Variants in CCDC175 observed in about 807,000 individuals in gnomAD.
CCDC175 encodes coiled-coil domain containing 175, also known as coiled-coil domain-containing protein 175.
Under a neutral mutation model 114.6 loss-of-function variants are expected in CCDC175, and 100 were observed. The observed-to-expected ratio is 0.87, with a 90% CI of 0.74 to 1.03. The LOEUF is 1.03. Ranked by LOEUF, CCDC175 falls within the 50% of genes least tolerant of loss-of-function variation. The probability of loss-of-function intolerance (pLI) is 0.00; values close to 1 mark genes in which losing one functional copy is unlikely to be tolerated. For synonymous variants in CCDC175, 306 were observed against 308.7 expected, an observed-to-expected ratio of 0.99 and a Z score of 0.09; for missense variants, 880 against 917.8, an observed-to-expected ratio of 0.96 and a Z score of 0.53.
Position 59,576,600 on chromosome 14 carries a change from C to G in CCDC175, c.157+19G>C, listed in dbSNP as rs1285378490. The G allele has an allele frequency of 2.1e-6, 3 of 1,407,822 alleles. No individual in the cohort carries two copies. Among genetic ancestry groups the G allele is most frequent in the Non-Finnish European group, 2.8e-6 (3 of 1,089,926 alleles). 87.2% of individuals were successfully genotyped at this position (1,407,822 alleles called of 1,614,324 possible). ...ACCTCTGAGGAGACGTCCCTTCCAG[C>G]GCCCGAGGGGCGTCTTACCCACAAC... On this transcript the variant is annotated intron_variant, in intron 1 of 19. Coordinates refer to ENST00000537690, the MANE Select transcript of CCDC175 (RefSeq NM_001164399.2).
At chr14:59,545,851 T>C (rs1055400851) in intron 8 of CCDC175, among the ~76,000 whole-genome samples, 1 of 152,084 alleles carries the variant, frequency 6.6e-6, no homozygotes, top group Non-Finnish European at 1.5e-5. Context: ...TGAGGACAAC[T>C]AAAATAGCTA....
intron 7 of CCDC175, among the ~76,000 whole-genome samples, chr14:59,557,127 A>T (rs189676210): frequency 2.0e-3 from 303 of 152,302 alleles, no homozygotes; most frequent in Middle Eastern, 3.4e-3. Flanking sequence ...TATATACCCA[A>T]AGGATTATAA....
At chr14:59,552,881 T>C (rs948594406) in intron 7 of CCDC175, among the ~76,000 whole-genome samples, 39 of 152,036 alleles carry the variant, frequency 2.6e-4, no homozygotes, top group African/African-American at 9.2e-4. Flanking sequence ...TGAAATCAAA[T>C]GAATGAAATG....
intron 16 of CCDC175, among the ~76,000 whole-genome samples, chr14:59,524,549 G>C (rs1361631469): frequency 3.3e-5 from 5 of 152,202 alleles, no homozygotes; most frequent in African/African-American, 1.2e-4. Flanking sequence ...ACACCCATTA[G>C]AATGGTTAAA....
At chr14:59,543,527 A>G (rs973968262) in intron 9 of CCDC175, 73 bp from the exon 10 acceptor site, 4 of 501,904 alleles carry the variant, frequency 8.0e-6, no homozygotes, top group African/African-American at 5.9e-5. Flanking sequence ...TTTCAAAAAT[A>G]GTTTTGAAAG....
chr14:59,545,169 T>C lies in CCDC175; in HGVS notation c.1166A>G (p.His389Arg), dbSNP rs201639386. Residue 389 changes from histidine to arginine, a missense_variant, in exon 9 of 20, where the codon CAT (histidine) becomes CGT (arginine). By Grantham distance (29) the His-to-Arg change is conservative. Coordinates refer to ENST00000537690, the MANE Select transcript of CCDC175 (RefSeq NM_001164399.2). ...CGTGTGGGTAAAGACATACTCATCA[T>C]GAATCTTTTGTTTTTGCAAAAAAGC... The part of the protein sequence containing the change: ...EKAFLQKQKI[H>R]DENQKQLTFI... 6.6e-4 allele frequency: 1,010 copies of C among 1,536,796 alleles called. 1 individual carries two copies. Among genetic ancestry groups the C allele is most frequent in the Non-Finnish European group, 8.0e-4 (912 of 1,146,704 alleles).
At chr14:59,515,177 G>A (rs2139964573) in intron 17 of CCDC175, among the ~76,000 whole-genome samples, 1 of 152,248 alleles carries the variant, frequency 6.6e-6, no homozygotes, top group South Asian at 2.1e-4. Flanking sequence ...CACTAAACAT[G>A]GAAAGGAACA....
chr14:59,570,149 C>A (rs1235323552), intron 3 of CCDC175, among the ~76,000 whole-genome samples: 3 of 151,382 alleles, frequency 2.0e-5, no homozygotes, highest in Admixed American at 6.6e-5. Context: ...TGCAGAGGTG[C>A]CTCATTGGTG....
chr14:59,566,882 C>A (rs753599252), intron 4 of CCDC175, among the ~76,000 whole-genome samples: 1 of 152,154 alleles, frequency 6.6e-6, no homozygotes, highest in African/African-American at 2.4e-5. Context: ...TTGTTATTGC[C>A]TTTCCGTAAA....
intron 3 of CCDC175, among the ~76,000 whole-genome samples, chr14:59,568,669 T>A (rs1896689361): frequency 6.6e-6 from 1 of 152,152 alleles, no homozygotes. Flanking sequence ...TGCCTAGGAC[T>A]TCTGCAACTT....
intron 10 of CCDC175, among the ~76,000 whole-genome samples, 172 bp from the exon 11 acceptor site, chr14:59,540,918 C>T (rs1595030452): frequency 6.6e-6 from 1 of 152,102 alleles, no homozygotes; most frequent in Non-Finnish European, 1.5e-5. Flanking sequence ...AATTGCAATT[C>T]TATGTTAGTG....
chr14:59,529,766 T>C (rs1053371730), intron 14 of CCDC175, among the ~76,000 whole-genome samples: 1 of 152,208 alleles, frequency 6.6e-6, no homozygotes, highest in African/African-American at 2.4e-5. Flanking sequence ...GGGAGTTTTA[T>C]GAGGGAACAA....
intron 2 of CCDC175, among the ~76,000 whole-genome samples, chr14:59,574,412 A>C (rs1438094205): frequency 6.6e-6 from 1 of 152,218 alleles, no homozygotes. Context: ...TTTCTTCAAC[A>C]TGTCTTTGAT....
intron 17 of CCDC175, among the ~76,000 whole-genome samples, chr14:59,512,943 C>A (rs1340408177): frequency 2.6e-5 from 4 of 151,642 alleles, no homozygotes; most frequent in Non-Finnish European, 5.9e-5. Context: ...AATTCTATTA[C>A]CTGATGTTCA....
intron 19 of CCDC175, among the ~76,000 whole-genome samples, chr14:59,507,832 A>T (rs1274907068): frequency 6.6e-6 from 1 of 152,200 alleles, no homozygotes; most frequent in East Asian, 1.9e-4. Context: ...AGCAGAGCTT[A>T]GCTGGCATGG....
Position 59,521,680 on chromosome 14 carries a change from A to T in CCDC175, c.1996-4T>A. 6.9e-7 allele frequency: 1 copy of T among 1,443,758 alleles called. No homozygotes were observed. Among genetic ancestry groups the T allele is most frequent in the East Asian group, 2.5e-5 (1 of 40,470 alleles). The allele number at this position is 1,443,758 out of a possible 1,614,324, so 89.4% of individuals were successfully genotyped here. ...TATTCTTCAAGTATAAAATATACTG[A>T]AAATTAAAAGCATGTGATTGCTTTT... On this transcript the variant is annotated splice_region_variant and splice_polypyrimidine_tract_variant and intron_variant, in intron 16 of 19. Transcript: ENST00000537690.
Position 59,538,132 on chromosome 14 carries a change from A to G in CCDC175, c.1514T>C (p.Ile505Thr). The change falls in exon 13 of 20, where the codon ATC becomes ACC. Residue 505 changes from isoleucine to threonine, a missense_variant. Coordinates refer to ENST00000537690, the MANE Select transcript of CCDC175 (RefSeq NM_001164399.2). ...TTCAATCTGTGCCACAAATCCACTG[A>G]TCTCCTGTTGTCTGAAACTGGTCTA... ...LNETSFRQQE[I>T]SGFVAQIEKL... 6.5e-7 allele frequency: 1 copy of G among 1,534,934 alleles called. No homozygotes were observed. Among genetic ancestry groups the G allele is most frequent in the East Asian group, 2.5e-5 (1 of 40,764 alleles).
At chr14:59,550,191 G>A (rs1895381564) in intron 8 of CCDC175, among the ~76,000 whole-genome samples, 1 of 152,246 alleles carries the variant, frequency 6.6e-6, no homozygotes, top group East Asian at 1.9e-4. Flanking sequence ...TTACAGGCGT[G>A]AGCCACCATG....
chr14:59,517,571 T>C (rs1893173651), intron 17 of CCDC175, among the ~76,000 whole-genome samples: 1 of 152,152 alleles, frequency 6.6e-6, no homozygotes, highest in Admixed American at 6.5e-5. Flanking sequence ...CCATTCACAA[T>C]TGCTTCAAAG....
Sources: gnomAD v4.1 joint callset for allele counts (sites outside exome capture counted in the v4.1 genomes callset) on GRCh38, gnomAD v4.1.1 for gene constraint, MANE v1.5 for transcripts, NCBI Gene and HGNC (gene_info 2026-07-23, HGNC 2026-07-21) for gene names.